Variants in PCNX3 observed in about 807,000 individuals in gnomAD.
PCNX3 encodes pecanex 3, also known as pecanex-like protein 3.
PCNX3 carries 58 observed loss-of-function variants against 207.2 expected under a neutral mutation model. The ratio of observed to expected loss-of-function variants is 0.28; its 90% CI spans 0.23 to 0.35. The LOEUF is 0.35. PCNX3 is among the 10% of genes least tolerant of loss of function. The pLI is 1.00. For synonymous variants in PCNX3, 1,337 were observed against 1,183.5 expected (o/e 1.13, Z -2.66); for missense variants, 2,410 against 2,774.4 (o/e 0.87, Z 2.95).
rs368804507 is a variant in PCNX3 at position 65,636,377 on chromosome 11, T to C, written c.5594-14T>C. ...CCCAGCTGAGGCCTCTGCTGTCTTA[T>C]CTGTCTCCTACAGGCAATGGTGACC... is the stretch of plus-strand genomic sequence containing the variant. On this transcript the variant is annotated splice_polypyrimidine_tract_variant and intron_variant, in intron 33 of 34. Transcript: ENST00000355703. The C allele has an allele frequency of 2.5e-5, 40 of 1,580,318 alleles. No individual in the cohort carries two copies. The highest frequency in any genetic ancestry group is 1.7e-4 in the Middle Eastern group (1 of 5,896).
At position 65,635,636 on chromosome 11, in the gene PCNX3, G is replaced by T; in HGVS notation, c.5292G>T (p.Ala1764=). The change falls in exon 32 of 35, where the codon GCG becomes GCT. Residue 1764 remains alanine (A), a synonymous_variant. Coordinates refer to ENST00000355703, the MANE Select transcript of PCNX3 (RefSeq NM_032223.4). The surrounding 1 kb of genome is among the most constrained non-coding windows in gnomAD (Gnocchi z 9.9). ...GCAGCATCCAGAACGCCAAGCAGGCGCTTCGCAACATGATCAACTCCTCCT... is the reference window on the plus strand; with the variant it reads ...GCAGCATCCAGAACGCCAAGCAGGCTCTTCGCAACATGATCAACTCCTCCT... The part of the protein sequence containing the change: ...ERGSIQNAKQ[A]LRNMINSSCD... 7 of 1,612,764 alleles carry T rather than the reference G, an allele frequency of 4.3e-6. No individual in the cohort carries two copies. The highest frequency in any genetic ancestry group is 5.9e-6 in the Non-Finnish European group (7 of 1,179,708).
Position 65,628,816 on chromosome 11 carries a change from C to T in PCNX3, c.3812-3C>T. On this transcript the variant is annotated splice_region_variant and splice_polypyrimidine_tract_variant and intron_variant, in intron 23 of 34. Coordinates refer to ENST00000355703, the MANE Select transcript of PCNX3 (RefSeq NM_032223.4). ...GCCCGCCGCCTCCTTGACTGTGGCT[C>T]AGACTCGGCCATGCTGTTCGTCCAG... is the stretch of plus-strand genomic sequence containing the variant. The T allele has an allele frequency of 6.2e-7, 1 of 1,611,152 alleles. No homozygotes were observed. The highest frequency in any genetic ancestry group is 8.5e-7 in the Non-Finnish European group (1 of 1,179,768).
At position 65,626,800 on chromosome 11, in the gene PCNX3, C is replaced by A. The variant is rs929330237; in HGVS notation, c.3380-104C>A. On this transcript the variant is annotated intron_variant, in intron 20 of 34. Transcript: ENST00000355703. ...ACAGATCAGCCCCTCCCCCCAGGGT[C>A]TCCGAGGAGTCAGGACCGCACAGCC... 3.2e-5 allele frequency: 48 copies of A among 1,505,026 alleles called. No homozygotes were observed. The African/African-American group carries it at 6.3e-4, about 20-fold the overall frequency. The allele number at this position is 1,505,026 out of a possible 1,614,324, so 93.2% of individuals were successfully genotyped here.
At chr11:65,627,705 C>G in intron 22 of PCNX3, 123 bp downstream of exon 22, 1 of 1,210,878 alleles carries the variant, frequency 8.3e-7, no homozygotes, top group Non-Finnish European at 1.2e-6. Flanking sequence ...CCCCGTGGGC[C>G]TTTGCAGCAG....
intron 12 of PCNX3, 67 bp downstream of exon 12, chr11:65,623,711 C>G (rs1409094052): frequency 6.3e-6 from 10 of 1,584,454 alleles, no homozygotes; most frequent in Non-Finnish European, 8.6e-6. Context: ...TCCCACAACT[C>G]CAGTTTTAAG....
intron 3 of PCNX3, 23 bp from the exon 4 acceptor site, chr11:65,617,447 T>G (rs1390074644): frequency 6.2e-7 from 1 of 1,613,926 alleles, no homozygotes; most frequent in East Asian, 2.2e-5. Flanking sequence ...TGTTTGTTCC[T>G]TCATGGCTCT....
rs1187439024 is a variant in PCNX3, at chr11:65,616,060, G to C, written c.-252G>C. The C allele has an allele frequency of 1.3e-5, 4 of 304,666 alleles. No homozygotes were observed. Among genetic ancestry groups the C allele is most frequent in the Non-Finnish European group, 2.4e-5 (4 of 167,088 alleles). The allele number at this position is 304,666 out of a possible 1,614,324, so 18.9% of individuals were successfully genotyped here. A position where few individuals can be genotyped will look rare whatever the true frequency, so the allele number is the denominator to read the frequency against. On this transcript the variant is annotated 5_prime_UTR_variant, in exon 1 of 35. Coordinates refer to ENST00000355703, the MANE Select transcript of PCNX3 (RefSeq NM_032223.4). Reference sequence around the variant, plus strand: ...GCCCCTCGGAGCAATTCTGGGCCAGGAGTGGGGACCCGGACCCCGCCCCTG... The same window carrying C: ...GCCCCTCGGAGCAATTCTGGGCCAGCAGTGGGGACCCGGACCCCGCCCCTG...
chr11:65,629,483 TC>T, intron 25 of PCNX3, 36 bp from the exon 26 acceptor site: 5 of 1,612,230 alleles, frequency 3.1e-6, no homozygotes, highest in Non-Finnish European at 4.2e-6. Context: ...CGCTAACTTG[TC>T]ACTTTGTCCA....
intron 22 of PCNX3, among the ~76,000 whole-genome samples, chr11:65,628,266 G>A (rs903656194): frequency 2.4e-4 from 36 of 152,328 alleles, no homozygotes; most frequent in Non-Finnish European, 2.8e-4. Context: ...ACCTAGTGGC[G>A]TGACCTGAGG....
intron 29 of PCNX3, 118 bp downstream of exon 29, chr11:65,634,759 GGTA>G: frequency 8.4e-7 from 1 of 1,194,324 alleles, no homozygotes; most frequent in Middle Eastern, 2.8e-4. Context: ...TTCCTGTTGG[GGTA>G]CCTCTTCTCC....
chr11:65,618,807 C>A lies in PCNX3; in HGVS notation c.1445C>A (p.Pro482His), dbSNP rs1298191261. 9 of 1,611,366 alleles carry A rather than the reference C, an allele frequency of 5.6e-6. No individual in the cohort carries two copies. Among genetic ancestry groups the A allele is most frequent in the East Asian group, 2.2e-5 (1 of 44,838 alleles). Residue 482 changes from proline (P) to histidine (H), a missense_variant, in exon 6 of 35, where the codon CCC becomes CAC. By Grantham distance (77) the Pro-to-His change is moderately conservative (BLOSUM62 -2). Around this residue, in one of 8 missense-constraint regions of PCNX3, gnomAD observed 1,104 missense variants for 970.3 expected, o/e 1.14. Transcript: ENST00000355703. Reference protein sequence around the residue: ...HGAEEGTAVPPKRPYGTQRTP... With the variant: ...HGAEEGTAVPHKRPYGTQRTP... Reference sequence around the variant, plus strand: ...GCTGAGGAGGGAACTGCTGTGCCCCCCAAGCGGCCATATGGGACCCAGCGG... The same window carrying A: ...GCTGAGGAGGGAACTGCTGTGCCCCACAAGCGGCCATATGGGACCCAGCGG...
chr11:65,625,004 T>C lies in PCNX3; in HGVS notation c.2907T>C (p.Leu969=). The C allele has an allele frequency of 6.2e-7, 1 of 1,612,616 alleles. No individual in the cohort carries two copies. Among genetic ancestry groups the C allele is most frequent in the Non-Finnish European group, 8.5e-7 (1 of 1,179,534 alleles). Residue 969 remains leucine (L), a synonymous_variant, in exon 16 of 35, where the codon CTT becomes CTC. Transcript: ENST00000355703. The surrounding 1 kb of genome is among the most constrained non-coding windows in gnomAD (Gnocchi z 5.6). ...CTGCCCTGCTCTACGGTTTCTGCCT[T>C]GGGGCCATCAAGGTAGGGGTGGCTT... ...LAAALLYGFC[L]GAIKTPWPEQ...
intron 22 of PCNX3, 27 bp downstream of exon 22, chr11:65,627,609 C>A: frequency 1.2e-6 from 2 of 1,610,654 alleles, no homozygotes; most frequent in Non-Finnish European, 1.7e-6. Flanking sequence ...GGCCCAGACC[C>A]CAGGCTGTCC....
In PCNX3 at chr11:65,625,691, A is replaced by T; in HGVS notation, c.3175A>T (p.Ile1059Phe). The T allele has an allele frequency of 6.2e-7, 1 of 1,612,508 alleles. No individual in the cohort carries two copies. Among genetic ancestry groups the T allele is most frequent in the Non-Finnish European group, 8.5e-7 (1 of 1,179,792 alleles). ...CTCCGACCTGGTGATGTGTGTGGTG[A>T]TCGCCGTGCTCACCTTCGCCATCAG... ...LHSDLVMCVVIAVLTFAISAS... is the reference protein window; with the variant it reads ...LHSDLVMCVVFAVLTFAISAS... The change falls in exon 19 of 35, where the codon ATC becomes TTC. Residue 1059 changes from isoleucine to phenylalanine, a missense_variant. Transcript: ENST00000355703. This position sits in a 1 kb window ranked among gnomAD's most constrained non-coding sequence, Gnocchi z 5.6.
chr11:65,617,099 A>C, intron 2 of PCNX3, 88 bp downstream of exon 2: 2 of 1,432,516 alleles, frequency 1.4e-6, no homozygotes, highest in Non-Finnish European at 1.9e-6. Context: ...CTTAGGGAAC[A>C]TTGGCTCTCT....
Position 65,637,378 on chromosome 11 carries a change from T to TTTTC in PCNX3, c.*403_*404insCTTT, listed in dbSNP as rs386374012. On this transcript the variant is annotated 3_prime_UTR_variant, in exon 35 of 35. Coordinates refer to ENST00000355703, the MANE Select transcript of PCNX3 (RefSeq NM_032223.4). ...TCTTTCTTTCCTTTTTTTTCTTTTC[T>TTTTC]TTTTTTTTTTTTTTTTTGTGCTTCG... 1 of 74,192 alleles carries TTTTC rather than the reference T, an allele frequency of 1.3e-5. No homozygotes were observed. The highest frequency in any genetic ancestry group is 6.6e-5 in the African/African-American group (1 of 15,066). The allele number at this position is 74,192 out of a possible 1,614,324, so 4.6% of individuals were successfully genotyped here.
chr11:65,629,244 A>G (rs1855523060), intron 24 of PCNX3, 113 bp from the exon 25 acceptor site: 1 of 1,156,356 alleles, frequency 8.6e-7, no homozygotes, highest in Non-Finnish European at 1.3e-6. Flanking sequence ...ATCTGCCTGC[A>G]TAACGGGGCT....
Position 65,618,702 on chromosome 11 carries a change from C to T in PCNX3, c.1340C>T (p.Ser447Phe). 6.2e-7 allele frequency: 1 copy of T among 1,613,086 alleles called. No individual in the cohort carries two copies. Among genetic ancestry groups the T allele is most frequent in the Non-Finnish European group, 8.5e-7 (1 of 1,179,624 alleles). The change falls in exon 6 of 35, where the codon TCC becomes TTC. Residue 447 changes from serine (S) to phenylalanine (F), a missense_variant. Coordinates refer to ENST00000355703, the MANE Select transcript of PCNX3 (RefSeq NM_032223.4). The stretch of plus-strand genomic sequence containing the variant: ...CAGCGCCGCTACAGTACTGACAGCT[C>T]CTCTTCTACTTCCTGCTACTCCCCT... ...RSQRRYSTDS[S>F]SSTSCYSPES...
chr11:65,629,822 C>A, intron 26 of PCNX3, 87 bp downstream of exon 26: 1 of 1,399,988 alleles, frequency 7.1e-7, no homozygotes, highest in South Asian at 1.3e-5. Context: ...GAAGGAGGTC[C>A]AGTCCAGCTC....
Sources: gnomAD v4.1 joint callset for allele counts (sites outside exome capture counted in the v4.1 genomes callset) on GRCh38, gnomAD v4.1.1 for gene constraint, gnomAD v4.1.1 regional missense constraint, Gnocchi (gnomAD v3.1) non-coding constraint, MANE v1.5 for transcripts, NCBI Gene and HGNC (gene_info 2026-07-23, HGNC 2026-07-21) for gene names.